The following SLC19A1 variants were observed in gnomAD, a reference collection of about 807,000 sequenced individuals.
SLC19A1 encodes reduced folate transporter.
SLC19A1 carries 37 observed loss-of-function variants against 35.3 expected under a neutral mutation model. That is an observed-to-expected ratio of 1.05 (90% CI 0.81 to 1.38). SLC19A1 has a LOEUF of 1.38. SLC19A1 is among the 40% of genes most tolerant of loss of function. SLC19A1 has a pLI of 0.00. For synonymous variants in SLC19A1, 460 were observed against 398.5 expected (o/e 1.15, Z -1.84); for missense variants, 831 against 826.9 (o/e 1.00, Z -0.06).
rs1452110458 is a variant in SLC19A1, at chr21:45,505,905, T to A, written c.498-7293A>T. Reference sequence around the variant, plus strand: ...CACGAGGTTCCCGAGGGCTGGCTCATCTTCGTGGCCGAGCAGGAGGAGCTC... The same window carrying A: ...CACGAGGTTCCCGAGGGCTGGCTCAACTTCGTGGCCGAGCAGGAGGAGCTC... On this transcript the variant is annotated intron_variant, in intron 3 of 4. Coordinates refer to the SLC19A1 transcript ENST00000417954. The A allele has an allele frequency of 6.2e-7, 1 of 1,612,732 alleles. No individual in the cohort carries two copies. The highest frequency in any genetic ancestry group is 1.7e-5 in the Admixed American group (1 of 59,928).
At chr21:45,524,866 C>T (rs1235681393) in intron 5 of SLC19A1, among the ~76,000 whole-genome samples, 1 of 151,784 alleles carries the variant, frequency 6.6e-6, no homozygotes, top group Non-Finnish European at 1.5e-5. Context: ...TAAGCGTTCA[C>T]CCCTGGGCCT....
intron 5 of SLC19A1, among the ~76,000 whole-genome samples, chr21:45,522,711 GAGTGA>G (rs1239935553): frequency 6.6e-6 from 1 of 152,162 alleles, no homozygotes; most frequent in Non-Finnish European, 1.5e-5. Flanking sequence ...GAACAGTGTT[GAGTGA>G]AAAGAGCCAA....
chr21:45,541,011 C>A lies in SLC19A1; in HGVS notation c.-50+1357G>T, dbSNP rs1298200578. The stretch of plus-strand genomic sequence containing the variant: ...AATGTTCGTTATGTTTTTTAGAACG[C>A]CTGCTAGTTTAAAAAGAAGAAGAAG... On this transcript the variant is annotated intron_variant, in intron 1 of 5. Coordinates refer to ENST00000311124, the MANE Select transcript of SLC19A1 (RefSeq NM_194255.4). 3.7e-5 allele frequency among the ~76,000 whole-genome samples: 5 copies of A among 136,404 alleles called. No homozygotes were observed. In the South Asian group the frequency reaches 1.4e-3, roughly 37 times the overall value. 89.5% of individuals were successfully genotyped at this position (136,404 alleles called of 152,430 possible).
chr21:45,543,672 A>G (rs2078377093), upstream of SLC19A1: 1 of 152,400 alleles, frequency 6.6e-6, no homozygotes, highest in Non-Finnish European at 1.5e-5. Context: ...AGCAAGCCAC[A>G]CGAACAAATC....
intron 1 of SLC19A1, among the ~76,000 whole-genome samples, chr21:45,550,713 T>C (rs1322842995): frequency 6.6e-6 from 1 of 152,218 alleles, no homozygotes; most frequent in African/African-American, 2.4e-5. Flanking sequence ...TCAGTATTCA[T>C]GTGTTCCTGG....
At chr21:45,529,833 G>A (rs2077795988) in intron 4 of SLC19A1, among the ~76,000 whole-genome samples, 2 of 151,452 alleles carry the variant, frequency 1.3e-5, no homozygotes, top group South Asian at 2.1e-4. Context: ...TGTGTGGTGT[G>A]TCTGTGTGGT....
intron 1 of SLC19A1, among the ~76,000 whole-genome samples, chr21:45,559,310 G>C (rs1230113864): frequency 2.0e-5 from 3 of 152,136 alleles, no homozygotes; most frequent in Non-Finnish European, 4.4e-5. Flanking sequence ...GGTGTCCTGG[G>C]TCCATCAGGG....
chr21:45,560,510 G>C (rs1319495472), intron 1 of SLC19A1, among the ~76,000 whole-genome samples: 4 of 152,274 alleles, frequency 2.6e-5, no homozygotes, highest in African/African-American at 7.2e-5. Context: ...GAGACGCCAT[G>C]TGGGAATGGG....
intron 5 of SLC19A1, among the ~76,000 whole-genome samples, chr21:45,523,672 G>A (rs1054245333): frequency 7.2e-5 from 11 of 152,218 alleles, no homozygotes; most frequent in African/African-American, 2.7e-4. Context: ...AGTCACAGAG[G>A]GATGGAGGTG....
At chr21:45,508,781 G>A (rs932067466), downstream of SLC19A1, among the ~76,000 whole-genome samples, 8 of 152,174 alleles carry the variant, frequency 5.3e-5, no homozygotes, top group Admixed American at 2.0e-4. Context: ...GGGTGGCCAT[G>A]GATATTGCCC....
At position 45,530,799 on chromosome 21, in the gene SLC19A1, G is replaced by T; in HGVS notation, c.1122C>A (p.Gly374=). 6.4e-7 allele frequency: 1 copy of T among 1,565,060 alleles called. No individual in the cohort carries two copies. The highest frequency in any genetic ancestry group is 8.7e-7 in the Non-Finnish European group (1 of 1,155,450). ...CGATGGGCACGAGGAACTGGTAGGA[G>T]CCGCGGAACAGCACGAAGGCCGCAT... The part of the protein sequence containing the change: ...LCYAAFVLFR[G]SYQFLVPIAT... The change falls in exon 4 of 6, where the codon GGC becomes GGA. Residue 374 remains glycine (G), a synonymous_variant. Transcript: ENST00000311124. The surrounding 1 kb of genome is among the most constrained non-coding windows in gnomAD (Gnocchi z 5.3).
At chr21:45,561,311 C>T (rs1036547293) in intron 1 of SLC19A1, among the ~76,000 whole-genome samples, 1 of 152,200 alleles carries the variant, frequency 6.6e-6, no homozygotes, top group African/African-American at 2.4e-5. Flanking sequence ...ACTTGCCATG[C>T]CATTCACTTG....
At chr21:45,511,131 C>T, downstream of SLC19A1, 1 of 1,586,706 alleles carries the variant, frequency 6.3e-7, no homozygotes, top group South Asian at 1.1e-5. Context: ...TGTTTCCCAG[C>T]TGGGAGGCTC....
At chr21:45,509,611 C>T, downstream of SLC19A1, 1 of 1,422,650 alleles carries the variant, frequency 7.0e-7, no homozygotes, top group Non-Finnish European at 9.6e-7. Context: ...GGTGAGTGCC[C>T]CCCCAAAGTG....
chr21:45,507,609 T>A (rs2037297378), downstream of SLC19A1: 1 of 1,612,456 alleles, frequency 6.2e-7, no homozygotes, highest in Non-Finnish European at 8.5e-7. Context: ...GAGCCTTTTT[T>A]CTGTTGAGAC....
chr21:45,509,608 G>GC (rs3835286), downstream of SLC19A1: 52 of 1,413,560 alleles, frequency 3.7e-5, no homozygotes, highest in East Asian at 1.5e-4. Flanking sequence ...GGTGGTGAGT[G>GC]CCCCCCCAAA....
chr21:45,532,093 G>T lies in SLC19A1; in HGVS notation c.245C>A (p.Pro82His), dbSNP rs1238911278. ...CAGGTAGTCGGTGAGCAGGAACACG[G>T]GCACCAGCACGGCCAGGTAGGAGTA... ...LSYSYLAVLV[P>H]VFLLTDYLRY... The change falls in exon 3 of 6, where the codon CCC becomes CAC. Residue 82 changes from proline to histidine, a missense_variant. By Grantham distance (77) the Pro-to-His change is moderately conservative. Transcript: ENST00000311124. The T allele has an allele frequency of 6.2e-7, 1 of 1,612,016 alleles. No individual in the cohort carries two copies. The highest frequency in any genetic ancestry group is 8.5e-7 in the Non-Finnish European group (1 of 1,179,290).
At chr21:45,555,939 C>T (rs527883349) in intron 1 of SLC19A1, among the ~76,000 whole-genome samples, 11 of 152,170 alleles carry the variant, frequency 7.2e-5, no homozygotes, top group Non-Finnish European at 1.6e-4. Context: ...GGCCACGGTG[C>T]GCATGCAGCA....
At position 45,530,672 on chromosome 21, in the gene SLC19A1, C is replaced by G. The variant is rs1049892394; in HGVS notation, c.1151+98G>C. Reference sequence around the variant, plus strand: ...GCTGGCGGGGCCAGCAGTGGCACAGCCGCTGGGGCGCAGCAGGAAGGTGGG... The same window carrying G: ...GCTGGCGGGGCCAGCAGTGGCACAGGCGCTGGGGCGCAGCAGGAAGGTGGG... On this transcript the variant is annotated intron_variant, in intron 4 of 5. Transcript: ENST00000311124. This position sits in a 1 kb window ranked among gnomAD's most constrained non-coding sequence, Gnocchi z 5.3. 4 of 1,307,116 alleles carry G rather than the reference C, an allele frequency of 3.1e-6. No homozygotes were observed. Among genetic ancestry groups the G allele is most frequent in the Middle Eastern group, 2.6e-4 (1 of 3,808 alleles). The allele number at this position is 1,307,116 out of a possible 1,614,324, so 81.0% of individuals were successfully genotyped here. A position where few individuals can be genotyped will look rare whatever the true frequency, so the allele number is the denominator to read the frequency against.
Sources: gnomAD v4.1 joint callset for allele counts (sites outside exome capture counted in the v4.1 genomes callset) on GRCh38, gnomAD v4.1.1 for gene constraint, Gnocchi (gnomAD v3.1) non-coding constraint, MANE v1.5 for transcripts, NCBI Gene and HGNC (gene_info 2026-07-23, HGNC 2026-07-21) for gene names.